Variants in SPRYD4 observed in about 807,000 individuals in gnomAD.
SPRYD4 encodes SPRY domain-containing protein 4.
A neutral mutation model predicts 16.6 loss-of-function variants in SPRYD4; 12 were observed. The ratio of observed to expected loss-of-function variants is 0.72; its 90% CI spans 0.46 to 1.17. The LOEUF (loss-of-function observed/expected upper bound fraction) is 1.17. SPRYD4 is among the 50% of genes most tolerant of loss of function. The pLI, the probability that SPRYD4 is intolerant of heterozygous loss-of-function variation, is 0.00. For missense variants in SPRYD4, 260 were observed against 260.2 expected (o/e 1.00, Z 0.00); for synonymous variants, 98 against 105.4 (o/e 0.93, Z 0.43).
At position 56,477,603 on chromosome 12, in the gene SPRYD4, A is replaced by G; in HGVS notation, c.*8026A>G. ...GGAGAGCTGAACAAATATGAGGGATACAGGAACACAGGAGCTTAGAGGATA... is the reference window on the plus strand; with the variant it reads ...GGAGAGCTGAACAAATATGAGGGATGCAGGAACACAGGAGCTTAGAGGATA... On this transcript the variant is annotated 3_prime_UTR_variant, in exon 2 of 2. Coordinates refer to ENST00000338146, the MANE Select transcript of SPRYD4 (RefSeq NM_207344.4). 1 of 1,526,180 alleles carries G rather than the reference A, an allele frequency of 6.6e-7. No individual in the cohort carries two copies. The highest frequency in any genetic ancestry group is 1.2e-5 in the South Asian group (1 of 86,432). 94.5% of individuals were successfully genotyped at this position (1,526,180 alleles called of 1,614,324 possible).
At position 56,470,598 on chromosome 12, in the gene SPRYD4, T is replaced by A. The variant is rs1257317526; in HGVS notation, c.*1021T>A. ...CCTTGGCCTCCCAAAGTGCTGGGAT[T>A]TCAGGCGTGAGCCACCACACCCGGC... On this transcript the variant is annotated 3_prime_UTR_variant, in exon 2 of 2. Transcript: ENST00000338146. 6.6e-6 allele frequency: 1 copy of A among 152,220 alleles called. No homozygotes were observed. The highest frequency in any genetic ancestry group is 1.5e-5 in the Non-Finnish European group (1 of 68,076). 9.4% of individuals were successfully genotyped at this position (152,220 alleles called of 1,614,324 possible). A position where few individuals can be genotyped will look rare whatever the true frequency, so the allele number is the denominator to read the frequency against.
Position 56,474,400 on chromosome 12 carries a change from C to T in SPRYD4, c.*4823C>T. On this transcript the variant is annotated 3_prime_UTR_variant, in exon 2 of 2. Coordinates refer to ENST00000338146, the MANE Select transcript of SPRYD4 (RefSeq NM_207344.4). ...AACTTGGTGTTTTTGAGAAACTCGTCTAAGGAGTCTCAACCTAATTGCCTT... is the reference window on the plus strand; with the variant it reads ...AACTTGGTGTTTTTGAGAAACTCGTTTAAGGAGTCTCAACCTAATTGCCTT... The T allele has an allele frequency of 1.0e-6, 1 of 955,438 alleles. No individual in the cohort carries two copies. Among genetic ancestry groups the T allele is most frequent in the East Asian group, 2.6e-5 (1 of 38,282 alleles). 59.2% of individuals were successfully genotyped at this position (955,438 alleles called of 1,614,324 possible).
In SPRYD4 at chr12:56,472,158, A is replaced by G; in HGVS notation, c.*2581A>G. On this transcript the variant is annotated 3_prime_UTR_variant, in exon 2 of 2. Coordinates refer to ENST00000338146, the MANE Select transcript of SPRYD4 (RefSeq NM_207344.4). Reference sequence around the variant, plus strand: ...ACATGCAGAGCTGTGCGCGAGTCATAGTCTTTCTGTTCCATATCCATGGCT... The same window carrying G: ...ACATGCAGAGCTGTGCGCGAGTCATGGTCTTTCTGTTCCATATCCATGGCT... 6.2e-7 allele frequency: 1 copy of G among 1,614,168 alleles called. No homozygotes were observed. The highest frequency in any genetic ancestry group is 1.7e-5 in the Admixed American group (1 of 60,006).
At chr12:56,468,795 G>T in intron 1 of SPRYD4, 119 bp downstream of exon 1, 1 of 1,192,960 alleles carries the variant, frequency 8.4e-7, no homozygotes, top group South Asian at 1.3e-5. Context: ...ACCTGCCTTG[G>T]TCTTAAGATT....
At position 56,476,165 on chromosome 12, in the gene SPRYD4, C is replaced by CT. The variant is rs34325581; in HGVS notation, c.*6596dup. On this transcript the variant is annotated 3_prime_UTR_variant, in exon 2 of 2. Coordinates refer to ENST00000338146, the MANE Select transcript of SPRYD4 (RefSeq NM_207344.4). ...TCCATTGGCTCCTCTCTTTCTCTTT[C>CT]TTTTTTTTGAGACAGTCTTGCTTTG... 0.59 allele frequency: 313,750 copies of CT among 530,308 alleles called. 96,824 individuals carry two copies. Among genetic ancestry groups the CT allele is most frequent in the Admixed American group, 0.7 (21,278 of 30,610 alleles). The allele number at this position is 530,308 out of a possible 1,614,324, so 32.9% of individuals were successfully genotyped here.
Position 56,478,079 on chromosome 12 carries a change from G to T in SPRYD4, c.*8502G>T, listed in dbSNP as rs775153241. On this transcript the variant is annotated 3_prime_UTR_variant, in exon 2 of 2. Transcript: ENST00000338146. Reference sequence around the variant, plus strand: ...GGACTGCAGGCAGAAGGGGATCTTTGTGTGGCCCACAGAGTGCCTGGAGGC... The same window carrying T: ...GGACTGCAGGCAGAAGGGGATCTTTTTGTGGCCCACAGAGTGCCTGGAGGC... 11 of 1,614,002 alleles carry T rather than the reference G, an allele frequency of 6.8e-6. No homozygotes were observed. Among genetic ancestry groups the T allele is most frequent in the African/African-American group, 1.3e-5 (1 of 74,950 alleles).
Position 56,469,681 on chromosome 12 carries a change from T to A in SPRYD4, c.*104T>A. On this transcript the variant is annotated 3_prime_UTR_variant, in exon 2 of 2. Transcript: ENST00000338146. ...TCAAGCAACCTCTAGCTCCCACAAT[T>A]CAGTGTTGGGTCCTCTGTGCAATAT... 1.8e-6 allele frequency: 2 copies of A among 1,130,686 alleles called. No homozygotes were observed. Among genetic ancestry groups the A allele is most frequent in the Non-Finnish European group, 2.5e-6 (2 of 812,332 alleles). The allele number at this position is 1,130,686 out of a possible 1,614,324, so 70.0% of individuals were successfully genotyped here. A position where few individuals can be genotyped will look rare whatever the true frequency, so the allele number is the denominator to read the frequency against.
At position 56,478,707 on chromosome 12, in the gene SPRYD4, G is replaced by A. The variant is rs772703305; in HGVS notation, c.*9130G>A. 1.8e-4 allele frequency: 48 copies of A among 264,226 alleles called. No individual in the cohort carries two copies. The highest frequency in any genetic ancestry group is 2.9e-4 in the Non-Finnish European group (40 of 136,922). The allele number at this position is 264,226 out of a possible 1,614,324, so 16.4% of individuals were successfully genotyped here. ...CCCCAGGAAATCTCTGAGAAGCGAG[G>A]TATATCTAGGTGTGGTGGCTCATGC... On this transcript the variant is annotated 3_prime_UTR_variant, in exon 2 of 2. Coordinates refer to ENST00000338146, the MANE Select transcript of SPRYD4 (RefSeq NM_207344.4).
At position 56,474,295 on chromosome 12, in the gene SPRYD4, G is replaced by C. The variant is rs1006307736; in HGVS notation, c.*4718G>C. 1.9e-5 allele frequency: 9 copies of C among 481,018 alleles called. No individual in the cohort carries two copies. The highest frequency in any genetic ancestry group is 1.4e-4 in the African/African-American group (7 of 50,978). The allele number at this position is 481,018 out of a possible 1,614,324, so 29.8% of individuals were successfully genotyped here. The stretch of plus-strand genomic sequence containing the variant: ...GTAGAGATGGGGTTTCACCATGTAG[G>C]TCAGGCTGGTCTCGAACTCCTGACC... On this transcript the variant is annotated 3_prime_UTR_variant, in exon 2 of 2. Transcript: ENST00000338146.
In SPRYD4 at chr12:56,469,249, A is replaced by C. The variant is rs1869132398; in HGVS notation, c.296A>C (p.Gln99Pro). The change falls in exon 2 of 2, where the codon CAG (glutamine) becomes CCG (proline). Residue 99 changes from glutamine (Q) to proline (P), a missense_variant. Physicochemically the swap from Gln to Pro is moderately conservative, Grantham distance 76. Transcript: ENST00000338146. ...YWEVTVKRSQ[Q>P]FRIGVADVDM... is the part of the protein sequence containing the mutation. ...GAAGTGACAGTGAAGCGCTCCCAGCAGTTCCGGATAGGAGTGGCAGATGTG... is the reference window on the plus strand; with the variant it reads ...GAAGTGACAGTGAAGCGCTCCCAGCCGTTCCGGATAGGAGTGGCAGATGTG... The C allele has an allele frequency of 6.2e-7, 1 of 1,613,964 alleles. No individual in the cohort carries two copies. The highest frequency in any genetic ancestry group is 8.5e-7 in the Non-Finnish European group (1 of 1,179,856).
Position 56,473,144 on chromosome 12 carries a change from C to T in SPRYD4, c.*3567C>T, listed in dbSNP as rs1869463385. The T allele has an allele frequency of 5.5e-6, 7 of 1,281,722 alleles. No individual in the cohort carries two copies. In the East Asian group the frequency reaches 1.2e-4, roughly 21 times the overall value. The allele number at this position is 1,281,722 out of a possible 1,614,324, so 79.4% of individuals were successfully genotyped here. On this transcript the variant is annotated 3_prime_UTR_variant, in exon 2 of 2. Transcript: ENST00000338146. ...GACCTTGTGATCCGCCCGCCTTGGC[C>T]TCTCAAAGTGCAGGGATTACAGGCG...
chr12:56,478,192 T>C lies in SPRYD4; in HGVS notation c.*8615T>C, dbSNP rs956550605. The C allele has an allele frequency of 1.2e-6, 2 of 1,614,074 alleles. No homozygotes were observed. Among genetic ancestry groups the C allele is most frequent in the Non-Finnish European group, 1.7e-6 (2 of 1,180,012 alleles). Reference sequence around the variant, plus strand: ...TTGCCCAGCATCTCACCGTTGACCATCCACAGTGCACAGGGAGACACCCCA... The same window carrying C: ...TTGCCCAGCATCTCACCGTTGACCACCCACAGTGCACAGGGAGACACCCCA... On this transcript the variant is annotated 3_prime_UTR_variant, in exon 2 of 2. Coordinates refer to ENST00000338146, the MANE Select transcript of SPRYD4 (RefSeq NM_207344.4).
In SPRYD4 at chr12:56,474,427, C is replaced by T; in HGVS notation, c.*4850C>T. On this transcript the variant is annotated 3_prime_UTR_variant, in exon 2 of 2. Coordinates refer to ENST00000338146, the MANE Select transcript of SPRYD4 (RefSeq NM_207344.4). ...AAGGAGTCTCAACCTAATTGCCTTC[C>T]TGGAAGTTAGTGAATGAGAGGCAGG... 1 of 1,310,904 alleles carries T rather than the reference C, an allele frequency of 7.6e-7. No homozygotes were observed. Among genetic ancestry groups the T allele is most frequent in the Non-Finnish European group, 1.1e-6 (1 of 950,740 alleles). The allele number at this position is 1,310,904 out of a possible 1,614,324, so 81.2% of individuals were successfully genotyped here. A position where few individuals can be genotyped will look rare whatever the true frequency, so the allele number is the denominator to read the frequency against.
rs116424949 is a variant in SPRYD4, at chr12:56,477,643, G to A, written c.*8066G>A. 3.7e-6 allele frequency: 6 copies of A among 1,610,962 alleles called. No homozygotes were observed. The highest frequency in any genetic ancestry group is 5.1e-6 in the Non-Finnish European group (6 of 1,178,012). ...CTTAGAGGATAATACCTATCAGAAGGTTAAGGTGGCACTGACCTTGATCAG... is the reference window on the plus strand; with the variant it reads ...CTTAGAGGATAATACCTATCAGAAGATTAAGGTGGCACTGACCTTGATCAG... On this transcript the variant is annotated 3_prime_UTR_variant, in exon 2 of 2. Transcript: ENST00000338146.
chr12:56,471,541 C>A lies in SPRYD4; in HGVS notation c.*1964C>A. Reference sequence around the variant, plus strand: ...ACAGGGCCTCAGCTGCTGCCTCAGCCTGAGTTTCAGAGAGTGTGTAGGAGT... The same window carrying A: ...ACAGGGCCTCAGCTGCTGCCTCAGCATGAGTTTCAGAGAGTGTGTAGGAGT... On this transcript the variant is annotated 3_prime_UTR_variant, in exon 2 of 2. Transcript: ENST00000338146. 1 of 1,614,184 alleles carries A rather than the reference C, an allele frequency of 6.2e-7. No individual in the cohort carries two copies. Among genetic ancestry groups the A allele is most frequent in the Non-Finnish European group, 8.5e-7 (1 of 1,180,034 alleles).
Position 56,472,115 on chromosome 12 carries a change from G to T in SPRYD4, c.*2538G>T, listed in dbSNP as rs1230209053. On this transcript the variant is annotated 3_prime_UTR_variant, in exon 2 of 2. Coordinates refer to ENST00000338146, the MANE Select transcript of SPRYD4 (RefSeq NM_207344.4). ...TCCTCCTCCCCTCCTTAACCCTTCA[G>T]TACCTTCAGCTGCAGCAACATGCAG... 6.2e-7 allele frequency: 1 copy of T among 1,614,048 alleles called. No individual in the cohort carries two copies. Among genetic ancestry groups the T allele is most frequent in the Non-Finnish European group, 8.5e-7 (1 of 1,179,950 alleles).
At position 56,479,110 on chromosome 12, in the gene SPRYD4, TC is replaced by T. The variant is rs1437926660; in HGVS notation, c.*9535del. ...GATGCGATCCACATGGCCCGTGAAC[TC>T]CTCAAAATCAGGAATGACAAACTTC... On this transcript the variant is annotated 3_prime_UTR_variant, in exon 2 of 2. Coordinates refer to ENST00000338146, the MANE Select transcript of SPRYD4 (RefSeq NM_207344.4). 16 of 1,613,574 alleles carry T rather than the reference TC, an allele frequency of 9.9e-6. No individual in the cohort carries two copies. Among genetic ancestry groups the T allele is most frequent in the Non-Finnish European group, 1.3e-5 (15 of 1,179,924 alleles).
rs1044046647 is a variant in SPRYD4 at position 56,477,813 on chromosome 12, G to A, written c.*8236G>A. The A allele has an allele frequency of 3.2e-6, 5 of 1,542,484 alleles. No individual in the cohort carries two copies. The highest frequency in any genetic ancestry group is 4.4e-6 in the Non-Finnish European group (5 of 1,132,652). On this transcript the variant is annotated 3_prime_UTR_variant, in exon 2 of 2. Transcript: ENST00000338146. ...TGGGTTAGACAAGAAAGACTGCTAG[G>A]GAGAAAGGCATGACAGGGCTAATCA...
At position 56,471,429 on chromosome 12, in the gene SPRYD4, A is replaced by C; in HGVS notation, c.*1852A>C. On this transcript the variant is annotated 3_prime_UTR_variant, in exon 2 of 2. Transcript: ENST00000338146. ...TCCATAGTATTTTTGGTGGTTATGG[A>C]TTACATGTGTGGCCAGCTCATGCTT... is the stretch of plus-strand genomic sequence containing the variant. 6.5e-7 allele frequency: 1 copy of C among 1,540,448 alleles called. No individual in the cohort carries two copies.
Sources: gnomAD v4.1 joint callset for allele counts on GRCh38, gnomAD v4.1.1 for gene constraint, MANE v1.5 for transcripts, NCBI Gene and HGNC (gene_info 2026-07-23, HGNC 2026-07-21) for gene names.